The following MAST3 variants were observed in gnomAD, a reference collection of about 807,000 sequenced individuals.
MAST3 encodes the protein microtubule-associated serine/threonine-protein kinase 3.
A neutral mutation model predicts 127.0 loss-of-function variants in MAST3; 43 were observed. The observed-to-expected ratio is 0.34, with a 90% confidence interval of 0.27 to 0.44. The LOEUF is 0.44. Ranked by LOEUF, MAST3 falls within the 20% of genes least tolerant of loss-of-function variation. MAST3 has a pLI of 1.00. For missense variants in MAST3, 1,390 were observed against 1,919.1 expected, an observed-to-expected ratio of 0.72 and a Z score of 5.15; for synonymous variants, 785 against 809.2, an observed-to-expected ratio of 0.97 and a Z score of 0.51.
Position 18,145,384 on chromosome 19 carries a change from G to A in MAST3, c.3039+155G>A, listed in dbSNP as rs758643529. On this transcript the variant is annotated intron_variant, in intron 24 of 27. Transcript: ENST00000687212. This position sits in a 1 kb window ranked among gnomAD's most constrained non-coding sequence, Gnocchi z 5.9. ...TCGGTCCCTGTCATTTGGCAGGGAG[G>A]AGGTCAGATGAGAGAGACAAGGATG... Among the ~76,000 whole-genome samples, 1 of 152,166 alleles carries A rather than the reference G, an allele frequency of 6.6e-6. No individual in the cohort carries two copies. Among genetic ancestry groups the A allele is most frequent in the Non-Finnish European group, 1.5e-5 (1 of 68,024 alleles).
Position 18,097,842 on chromosome 19 carries a change from T to A in MAST3, c.39+11T>A. On this transcript the variant is annotated intron_variant, in intron 1 of 27. Transcript: ENST00000687212. Reference sequence around the variant, plus strand: ...CGCCGCGGGCTCCAGGTGAGGCCCCTGCGCGGGCGGGCGGAAGGCAGAGGG... The same window carrying A: ...CGCCGCGGGCTCCAGGTGAGGCCCCAGCGCGGGCGGGCGGAAGGCAGAGGG... 1.6e-6 allele frequency: 2 copies of A among 1,223,854 alleles called. No individual in the cohort carries two copies. The allele number at this position is 1,223,854 out of a possible 1,614,324, so 75.8% of individuals were successfully genotyped here.
At chr19:18,107,436 G>T (rs2038163093) in intron 1 of MAST3, 151 bp from the exon 2 acceptor site, 1 of 808,348 alleles carries the variant, frequency 1.2e-6, no homozygotes, top group African/African-American at 1.7e-5. Flanking sequence ...TAGCGCAAAG[G>T]CCTTGAGGCA....
chr19:18,121,534 T>TG lies in MAST3; in HGVS notation c.162-146dup. The TG allele has an allele frequency of 7.4e-6, 5 of 675,560 alleles. No homozygotes were observed. In the South Asian group the frequency reaches 8.9e-5, roughly 12 times the overall value. 41.8% of individuals were successfully genotyped at this position (675,560 alleles called of 1,614,324 possible). ...GCCTTGAAGACCTGGCTAAGGGCCA[T>TG]GGGGGAACCCAGCTGGGGGCAGAGT... On this transcript the variant is annotated intron_variant, in intron 3 of 27. Coordinates refer to ENST00000687212, the MANE Select transcript of MAST3 (RefSeq NM_001393504.1).
At chr19:18,104,817 G>A (rs1032816516) in intron 1 of MAST3, among the ~76,000 whole-genome samples, 1 of 152,144 alleles carries the variant, frequency 6.6e-6, no homozygotes, top group African/African-American at 2.4e-5. Flanking sequence ...CATTTACCAG[G>A]TATTATGACA....
At chr19:18,120,469 C>A (rs1232649024) in intron 3 of MAST3, among the ~76,000 whole-genome samples, 1 of 152,166 alleles carries the variant, frequency 6.6e-6, no homozygotes. Flanking sequence ...TATGTAGTGT[C>A]CTCCATCAGG....
In MAST3 at chr19:18,149,444, G is replaced by T. The variant is rs1029439363; in HGVS notation, c.3762G>T (p.Pro1254=). The T allele has an allele frequency of 6.5e-7, 1 of 1,526,816 alleles. No individual in the cohort carries two copies. The allele number at this position is 1,526,816 out of a possible 1,614,324, so 94.6% of individuals were successfully genotyped here. A position where few individuals can be genotyped will look rare whatever the true frequency, so the allele number is the denominator to read the frequency against. ...PGHPPAPARS[P]RLRRGQSADK... ...ACCCGCCCGCACCTGCCCGATCCCCGCGGCTGCGCCGGGGCCAGTCAGCTG... is the reference window on the plus strand; with the variant it reads ...ACCCGCCCGCACCTGCCCGATCCCCTCGGCTGCGCCGGGGCCAGTCAGCTG... Residue 1254 remains proline, a synonymous_variant, in exon 28 of 28, where the codon CCG becomes CCT. Coordinates refer to ENST00000687212, the MANE Select transcript of MAST3 (RefSeq NM_001393504.1). The surrounding 1 kb of genome is among the most constrained non-coding windows in gnomAD (Gnocchi z 5.9).
chr19:18,107,028 C>G (rs1330269072), intron 1 of MAST3, among the ~76,000 whole-genome samples: 1 of 121,582 alleles, frequency 8.2e-6, no homozygotes, highest in African/African-American at 3.3e-5. Flanking sequence ...GTTGCCCAGG[C>G]TAGTTTCAAA....
intron 15 of MAST3, among the ~76,000 whole-genome samples, chr19:18,132,617 C>T (rs936207705): frequency 1.3e-5 from 2 of 152,092 alleles, no homozygotes; most frequent in Non-Finnish European, 2.9e-5. Context: ...CATGCCAGAC[C>T]CTCTGTGGGC....
intron 1 of MAST3, chr19:18,098,827 G>C: frequency 2.2e-6 from 1 of 456,282 alleles, no homozygotes; most frequent in Non-Finnish European, 4.4e-6. Context: ...GCAACCTCTG[G>C]AGCTGCCCTC....
intron 1 of MAST3, among the ~76,000 whole-genome samples, chr19:18,100,874 A>T (rs948950978): frequency 6.6e-6 from 1 of 152,156 alleles, no homozygotes; most frequent in Non-Finnish European, 1.5e-5. Flanking sequence ...TCCATTCACA[A>T]ACGGGTGCTG....
Position 18,110,778 on chromosome 19 carries a change from G to A in MAST3, c.161+37G>A. ...CGCGTGTGGGCGGGGCGCAGACATCGCCCTGGCACCCCAGAGCCTTGGAAA... is the reference window on the plus strand; with the variant it reads ...CGCGTGTGGGCGGGGCGCAGACATCACCCTGGCACCCCAGAGCCTTGGAAA... On this transcript the variant is annotated intron_variant, in intron 3 of 27. Coordinates refer to ENST00000687212, the MANE Select transcript of MAST3 (RefSeq NM_001393504.1). The surrounding 1 kb of genome is among the most constrained non-coding windows in gnomAD (Gnocchi z 4.3). 1 of 946,714 alleles carries A rather than the reference G, an allele frequency of 1.1e-6. No homozygotes were observed. Among genetic ancestry groups the A allele is most frequent in the Non-Finnish European group, 1.3e-6 (1 of 794,330 alleles). 58.6% of individuals were successfully genotyped at this position (946,714 alleles called of 1,614,324 possible). A position where few individuals can be genotyped will look rare whatever the true frequency, so the allele number is the denominator to read the frequency against.
chr19:18,117,476 T>C (rs1160798900), intron 3 of MAST3, among the ~76,000 whole-genome samples: 1 of 151,898 alleles, frequency 6.6e-6, no homozygotes, highest in Non-Finnish European at 1.5e-5. Context: ...ACACCCTCTA[T>C]GCCAGTCCGG....
intron 3 of MAST3, among the ~76,000 whole-genome samples, chr19:18,120,343 G>A (rs2039817989): frequency 1.3e-5 from 2 of 152,106 alleles, no homozygotes; most frequent in African/African-American, 4.8e-5. Context: ...GCTCCAGGGT[G>A]TGTTTGGTTC....
At chr19:18,104,179 C>CAAAAAAAAAAAAAAAAAAAAAAAAAAAAA (rs56347763) in intron 1 of MAST3, among the ~76,000 whole-genome samples, 2 of 43,450 alleles carry the variant, frequency 4.6e-5, no homozygotes, top group Admixed American at 2.7e-4. Flanking sequence ...GACGCTGTCT[C>CAAAAAAAAAAAAAAAAAAAAAAAAAAAAA]AAAAAAAAAA....
chr19:18,124,354 G>A lies in MAST3; in HGVS notation c.933G>A (p.Leu311=), dbSNP rs1310637959. 1.2e-6 allele frequency: 2 copies of A among 1,602,894 alleles called. No homozygotes were observed. Among genetic ancestry groups the A allele is most frequent in the Non-Finnish European group, 1.7e-6 (2 of 1,174,608 alleles). ...TCATCATCTCACGGCCAGCTCGGCTGCTGGAGTGTCTGGTAAGTTTCTCTT... is the reference window on the plus strand; with the variant it reads ...TCATCATCTCACGGCCAGCTCGGCTACTGGAGTGTCTGGTAAGTTTCTCTT... ...LLIIISRPAR[L]LECLEFDPEE... The change falls in exon 10 of 28, where the codon CTG becomes CTA. Residue 311 remains leucine, a synonymous_variant. Transcript: ENST00000687212.
rs750340026 is a variant in MAST3 at position 18,135,702 on chromosome 19, CCCTCCCTCCCTCATTTTA to C, written c.1871-19_1871-2del. 7.8e-5 allele frequency: 115 copies of C among 1,470,010 alleles called. 1 individual carries two copies. The highest frequency in any genetic ancestry group is 9.6e-5 in the Non-Finnish European group (102 of 1,064,730). The allele number at this position is 1,470,010 out of a possible 1,614,324, so 91.1% of individuals were successfully genotyped here. A position where few individuals can be genotyped will look rare whatever the true frequency, so the allele number is the denominator to read the frequency against. On this transcript the variant is annotated intron_variant, in intron 17 of 27. Transcript: ENST00000687212. The stretch of plus-strand genomic sequence containing the variant: ...ACTAGAAAGGGGTACCCTGCCTTCT[CCCTCCCTCCCTCATTTTA>C]CCTCCCTCCCTCATTTTAGATGAGA...
At chr19:18,133,634 A>G (rs1167747591) in intron 15 of MAST3, among the ~76,000 whole-genome samples, 1 of 141,728 alleles carries the variant, frequency 7.1e-6, no homozygotes, top group Non-Finnish European at 1.5e-5. Flanking sequence ...GCTCACTGCA[A>G]CCTCAGAGTC....
At chr19:18,140,497 C>T (rs1164472982) in intron 20 of MAST3, among the ~76,000 whole-genome samples, 3 of 152,188 alleles carry the variant, frequency 2.0e-5, no homozygotes, top group Non-Finnish European at 4.4e-5. Context: ...AATTTGTACC[C>T]ATTAGCAACC....
chr19:18,106,730 C>T (rs533204839), intron 1 of MAST3, among the ~76,000 whole-genome samples: 1 of 151,636 alleles, frequency 6.6e-6, no homozygotes, highest in Admixed American at 6.6e-5. Flanking sequence ...CACCACCATG[C>T]CTGGCTAATT....
Sources: allele counts gnomAD v4.1 joint callset (sites outside exome capture counted in the v4.1 genomes callset), GRCh38; gene constraint gnomAD v4.1.1; non-coding constraint Gnocchi (gnomAD v3.1); transcripts MANE v1.5; gene names NCBI Gene and HGNC (gene_info 2026-07-23, HGNC 2026-07-21).